PPFIA2: variants seen among roughly 807,000 people sequenced by gnomAD.
The protein encoded by PPFIA2 is liprin-alpha-2.
PPFIA2 carries 46 observed loss-of-function variants against 175.5 expected under a neutral mutation model. The observed-to-expected ratio is 0.26, with a 90% confidence interval of 0.21 to 0.34. The LOEUF (loss-of-function observed/expected upper bound fraction) is 0.34, where lower values mean the gene tolerates loss of function less well. Ranked by LOEUF, PPFIA2 falls within the 10% of genes least tolerant of loss-of-function variation. The pLI is 1.00. For missense variants in PPFIA2, 1,179 were observed against 1,506.1 expected (o/e 0.78, Z 3.60); for synonymous variants, 568 against 511.4 (o/e 1.11, Z -1.49).
At chr12:81,307,985 T>G (rs569851885) in intron 22 of PPFIA2, among the ~76,000 whole-genome samples, 1 of 152,274 alleles carries the variant, frequency 6.6e-6, no homozygotes, top group Admixed American at 6.5e-5. Context: ...ATTAAGATTC[T>G]AAGTCCTCTC....
chr12:81,676,661 G>C, intron 4 of PPFIA2, 130 bp downstream of exon 4: 1 of 540,256 alleles, frequency 1.9e-6, no homozygotes, highest in Non-Finnish European at 2.9e-6. Context: ...TCTGTTATTA[G>C]TTTCTATAAT....
intron 4 of PPFIA2, among the ~76,000 whole-genome samples, chr12:81,526,286 A>G (rs939222781): frequency 1.3e-5 from 2 of 152,194 alleles, no homozygotes; most frequent in South Asian, 2.1e-4. Flanking sequence ...GTTGAGAATA[A>G]GGGTGCATGT....
chr12:81,275,346 C>T (rs1003270347), intron 28 of PPFIA2, among the ~76,000 whole-genome samples: 13 of 152,180 alleles, frequency 8.5e-5, no homozygotes, highest in African/African-American at 2.7e-4. Context: ...GTCTACTCTC[C>T]GATGAGACGT....
chr12:81,280,662 G>C (rs1464603608), intron 27 of PPFIA2, among the ~76,000 whole-genome samples: 1 of 151,800 alleles, frequency 6.6e-6, no homozygotes, highest in Non-Finnish European at 1.5e-5. Context: ...CTTTTTATCT[G>C]CTGGATGGTA....
At chr12:81,484,210 G>A (rs2058568304) in intron 4 of PPFIA2, among the ~76,000 whole-genome samples, 2 of 151,642 alleles carry the variant, frequency 1.3e-5, no homozygotes, top group South Asian at 4.2e-4. Context: ...AAAAACTCTT[G>A]AGGTGGCTGT....
At chr12:81,563,049 T>C (rs2070528231) in intron 4 of PPFIA2, among the ~76,000 whole-genome samples, 1 of 152,048 alleles carries the variant, frequency 6.6e-6, no homozygotes, top group African/African-American at 2.4e-5. Flanking sequence ...TCATTTTTTG[T>C]CTTTCTTTTT....
intron 4 of PPFIA2, among the ~76,000 whole-genome samples, chr12:81,510,696 G>T (rs1224112269): frequency 2.6e-5 from 4 of 151,996 alleles, no homozygotes; most frequent in African/African-American, 9.7e-5. Flanking sequence ...TCTGATTTGT[G>T]GGTGGAAGAA....
intron 22 of PPFIA2, among the ~76,000 whole-genome samples, chr12:81,306,517 G>C (rs2049214288): frequency 7.5e-6 from 1 of 133,150 alleles, no homozygotes; most frequent in Non-Finnish European, 1.7e-5. Context: ...ACTGTTTTTT[G>C]TTTGTTTGTT....
rs1485210151 is a variant in PPFIA2, at chr12:81,358,104, C to G, written c.1751G>C (p.Gly584Ala). 22 of 1,605,678 alleles carry G rather than the reference C, an allele frequency of 1.4e-5. No homozygotes were observed. The highest frequency in any genetic ancestry group is 1.4e-5 in the Non-Finnish European group (17 of 1,175,854). The change falls in exon 16 of 33, where the codon GGT (glycine) becomes GCT (alanine). Residue 584 changes from glycine (G) to alanine (A), a missense_variant. Coordinates refer to ENST00000549396, the MANE Select transcript of PPFIA2 (RefSeq NM_003625.5). The stretch of plus-strand genomic sequence containing the variant: ...AACCTTTGGCTCATCTCTTCGCACA[C>G]CCATGCGGCCTCTCCTTGGTCTTCT... ...VIRRPRRGRMGVRRDEPKVKS... is the reference protein window; with the variant it reads ...VIRRPRRGRMAVRRDEPKVKS...
chr12:81,294,722 A>C (rs1309171246), intron 24 of PPFIA2, 113 bp downstream of exon 24: 6 of 985,478 alleles, frequency 6.1e-6, no homozygotes, highest in Non-Finnish European at 9.3e-6. Flanking sequence ...TAATCTCTTG[A>C]GAATAATTCA....
At chr12:81,664,682 A>G (rs1250737427) in intron 4 of PPFIA2, among the ~76,000 whole-genome samples, 3 of 152,138 alleles carry the variant, frequency 2.0e-5, no homozygotes, top group Admixed American at 1.3e-4. Context: ...CCATCCCATT[A>G]CTGGGTACAT....
rs577521569 is a variant in PPFIA2 at position 81,463,001 on chromosome 12, C to G, written c.304-5135G>C. ...TGTGTTTAACTAATATGGTATTTCT[C>G]TAGTCTAGCATTTCTCAAATTATGA... On this transcript the variant is annotated intron_variant, in intron 4 of 32. Transcript: ENST00000549396. Among the ~76,000 whole-genome samples, 50 of 152,074 alleles carry G rather than the reference C, an allele frequency of 3.3e-4. No individual in the cohort carries two copies. In the Middle Eastern group the frequency reaches 0.017, roughly 52 times the overall value.
chr12:81,572,679 C>T (rs1285899598), intron 4 of PPFIA2, among the ~76,000 whole-genome samples: 2 of 151,984 alleles, frequency 1.3e-5, no homozygotes, highest in South Asian at 4.1e-4. Flanking sequence ...ATGAGCACTA[C>T]AAATTAGTGG....
At chr12:81,732,513 T>TA (rs60761301) in intron 3 of PPFIA2, among the ~76,000 whole-genome samples, 32,300 of 133,702 alleles carry the variant, frequency 0.24, 4,137 homozygotes, top group Admixed American at 0.3. Context: ...TGTTTTTTTT[T>TA]AAAAAAAAAA....
chr12:81,593,267 T>C (rs1358481338), intron 4 of PPFIA2, among the ~76,000 whole-genome samples: 3 of 152,112 alleles, frequency 2.0e-5, no homozygotes, highest in Non-Finnish European at 2.9e-5. Flanking sequence ...CTAGCTACCA[T>C]AGAAATATTA....
intron 7 of PPFIA2, among the ~76,000 whole-genome samples, chr12:81,414,917 C>A (rs2044659804): frequency 6.6e-6 from 1 of 150,794 alleles, no homozygotes; most frequent in Non-Finnish European, 1.5e-5. Context: ...AAACCCAAGC[C>A]AGTAACTATT....
At chr12:81,517,070 A>T (rs1014887987) in intron 4 of PPFIA2, among the ~76,000 whole-genome samples, 2 of 152,008 alleles carry the variant, frequency 1.3e-5, no homozygotes, top group African/African-American at 4.8e-5. Flanking sequence ...CAAGTAAAAT[A>T]AAATATGCAG....
chr12:81,417,960 C>A (rs778729671), intron 7 of PPFIA2, among the ~76,000 whole-genome samples: 7 of 151,638 alleles, frequency 4.6e-5, no homozygotes, highest in Admixed American at 2.6e-4. Flanking sequence ...CTAAAAAGAC[C>A]ACAATGACAT....
At chr12:81,274,887 GT>G (rs557227976) in intron 28 of PPFIA2, among the ~76,000 whole-genome samples, 2 of 151,608 alleles carry the variant, frequency 1.3e-5, no homozygotes, top group South Asian at 2.1e-4. Flanking sequence ...AATCATGGCA[GT>G]TTTTTTTTCC....
Sources: gnomAD v4.1 joint callset for allele counts (sites outside exome capture counted in the v4.1 genomes callset) on GRCh38, gnomAD v4.1.1 for gene constraint, MANE v1.5 for transcripts, NCBI Gene and HGNC (gene_info 2026-07-23, HGNC 2026-07-21) for gene names.